LRMDA: variants seen among roughly 807,000 people sequenced by gnomAD.
LRMDA encodes the protein leucine-rich melanocyte differentiation-associated protein.
LRMDA carries 18 observed loss-of-function variants against 29.8 expected under a neutral mutation model. That is an observed-to-expected ratio of 0.60 (90% CI 0.42 to 0.90). LRMDA has a LOEUF of 0.90. Ranked by LOEUF, LRMDA falls within the 40% of genes least tolerant of loss-of-function variation. LRMDA has a pLI of 0.00. For synonymous variants in LRMDA, 125 were observed against 109.4 expected (o/e 1.14, Z -0.89); for missense variants, 273 against 273.9 (o/e 1.00, Z 0.02).
intron 5 of LRMDA, among the ~76,000 whole-genome samples, chr10:76,078,181 T>A (rs1484729456): frequency 6.6e-6 from 1 of 151,548 alleles, no homozygotes; most frequent in Non-Finnish European, 1.5e-5. Context: ...GGCTAATTTT[T>A]TGTATTTTTA....
chr10:75,487,302 T>G (rs983226436), intron 2 of LRMDA, among the ~76,000 whole-genome samples: 4 of 152,230 alleles, frequency 2.6e-5, no homozygotes, highest in African/African-American at 9.6e-5. Context: ...AAAAACTGTA[T>G]GTACCAGCAA....
At chr10:75,506,156 C>T (rs554334896) in intron 2 of LRMDA, among the ~76,000 whole-genome samples, 1 of 152,276 alleles carries the variant, frequency 6.6e-6, no homozygotes, top group South Asian at 2.1e-4. Context: ...CCCACTAATC[C>T]TGTCCTGCTT....
At chr10:75,845,102 T>C (rs926089246) in intron 2 of LRMDA, among the ~76,000 whole-genome samples, 37 of 152,122 alleles carry the variant, frequency 2.4e-4, no homozygotes, top group African/African-American at 8.9e-4. Context: ...AATGTGTAAA[T>C]ATGATTTTTT....
At chr10:75,514,625 A>G (rs746889544) in intron 2 of LRMDA, among the ~76,000 whole-genome samples, 7 of 152,200 alleles carry the variant, frequency 4.6e-5, no homozygotes, top group South Asian at 2.1e-4. Context: ...TTCTTGCTCT[A>G]TTAGTCCCTG....
rs151145727 is a variant in LRMDA, at chr10:76,236,470, C to G, written c.517-87931C>G. Among the ~76,000 whole-genome samples the G allele has an allele frequency of 2.8e-3, 423 of 152,320 alleles. 2 individuals are homozygous for G. Among genetic ancestry groups the G allele is most frequent in the African/African-American group, 9.7e-3 (404 of 41,576 alleles). ...ATGCTAACCATTTTGAAGACCCCAA[C>G]AGAGGAACTGAATCAGCATGAGAAT... is the stretch of plus-strand genomic sequence containing the variant. On this transcript the variant is annotated intron_variant, in intron 5 of 6. Transcript: ENST00000611255.
chr10:75,893,779 C>T (rs1374699822), intron 2 of LRMDA, among the ~76,000 whole-genome samples: 1 of 151,906 alleles, frequency 6.6e-6, no homozygotes, highest in Admixed American at 6.6e-5. Context: ...ACTAAAAATA[C>T]AAAAATTAGC....
At chr10:76,030,655 G>A (rs1359238559) in intron 2 of LRMDA, among the ~76,000 whole-genome samples, 1 of 152,216 alleles carries the variant, frequency 6.6e-6, no homozygotes, top group East Asian at 1.9e-4. Flanking sequence ...TGGGCGTGGT[G>A]GCGGAAGCCT....
At chr10:75,970,512 A>G (rs913543011) in intron 2 of LRMDA, among the ~76,000 whole-genome samples, 2 of 152,150 alleles carry the variant, frequency 1.3e-5, no homozygotes, top group African/African-American at 2.4e-5. Flanking sequence ...TTTCTCTCCC[A>G]TCTAGTTGGT....
chr10:76,363,178 G>GAA (rs1564520675), intron 6 of LRMDA, among the ~76,000 whole-genome samples: 12 of 12,262 alleles, frequency 9.8e-4, no homozygotes, highest in South Asian at 5.3e-3. Flanking sequence ...AGAAAGAAAG[G>GAA]AGGGAGGGAG....
chr10:75,434,886 G>A (rs1423978896), intron 1 of LRMDA, among the ~76,000 whole-genome samples: 3 of 152,246 alleles, frequency 2.0e-5, no homozygotes, highest in Non-Finnish European at 2.9e-5. Context: ...GAGTCCCAAC[G>A]CAAAGTGAAA....
chr10:76,094,527 CATT>C (rs1175145648), intron 5 of LRMDA, among the ~76,000 whole-genome samples: 1 of 151,856 alleles, frequency 6.6e-6, no homozygotes, highest in Non-Finnish European at 1.5e-5. Flanking sequence ...CACTATTGCT[CATT>C]ATTATTTTTA....
At chr10:76,406,710 A>G (rs551436828) in intron 6 of LRMDA, among the ~76,000 whole-genome samples, 2 of 151,928 alleles carry the variant, frequency 1.3e-5, no homozygotes, top group Non-Finnish European at 2.9e-5. Context: ...ATTCATCATG[A>G]CCCTGAGTAT....
chr10:76,546,281 G>C (rs568156233), intron 6 of LRMDA, among the ~76,000 whole-genome samples: 4 of 152,154 alleles, frequency 2.6e-5, no homozygotes, highest in Non-Finnish European at 4.4e-5. Context: ...CTAAGATCTT[G>C]AGAAATGTTC....
At chr10:75,810,993 G>A (rs1274401953) in intron 2 of LRMDA, among the ~76,000 whole-genome samples, 1 of 152,180 alleles carries the variant, frequency 6.6e-6, no homozygotes, top group Non-Finnish European at 1.5e-5. Context: ...CCAAGTGGAG[G>A]AGCTGGGTCC....
chr10:76,445,657 G>A (rs1842347412), intron 6 of LRMDA, among the ~76,000 whole-genome samples: 1 of 152,202 alleles, frequency 6.6e-6, no homozygotes, highest in African/African-American at 2.4e-5. Flanking sequence ...AGACTACACA[G>A]AGGGAGAGGT....
At chr10:75,672,363 C>G (rs997007636) in intron 2 of LRMDA, among the ~76,000 whole-genome samples, 11 of 151,542 alleles carry the variant, frequency 7.3e-5, no homozygotes, top group African/African-American at 2.4e-4. Context: ...AATAATGACT[C>G]AAATATTATT....
intron 5 of LRMDA, among the ~76,000 whole-genome samples, chr10:76,067,230 C>T (rs550551009): frequency 1.6e-4 from 25 of 152,230 alleles, no homozygotes; most frequent in Middle Eastern, 6.8e-3. Flanking sequence ...TTCACTGTCT[C>T]GTTTTAAGGA....
At chr10:75,607,129 A>G (rs535654489) in intron 2 of LRMDA, among the ~76,000 whole-genome samples, 3 of 152,362 alleles carry the variant, frequency 2.0e-5, no homozygotes, top group South Asian at 4.1e-4. Context: ...AGTTTTAATG[A>G]CTAGTTAAAA....
At chr10:75,810,087 G>A (rs765732572) in intron 2 of LRMDA, among the ~76,000 whole-genome samples, 1 of 152,152 alleles carries the variant, frequency 6.6e-6, no homozygotes, top group East Asian at 1.9e-4. Flanking sequence ...CCAGGTGGAC[G>A]AAACAGCATG....
Sources: gnomAD v4.1 joint callset for allele counts (sites outside exome capture counted in the v4.1 genomes callset) on GRCh38, gnomAD v4.1.1 for gene constraint, MANE v1.5 for transcripts, NCBI Gene and HGNC (gene_info 2026-07-23, HGNC 2026-07-21) for gene names.